Variants in KDM4C observed in about 807,000 individuals in gnomAD.
The protein encoded by KDM4C is lysine-specific demethylase 4C.
A neutral mutation model predicts 129.3 loss-of-function variants in KDM4C; 81 were observed. The ratio of observed to expected loss-of-function variants is 0.63; its 90% confidence interval spans 0.52 to 0.75. The LOEUF (loss-of-function observed/expected upper bound fraction) is 0.75. Among genes scored for constraint, KDM4C ranks in the 30% least tolerant of loss-of-function variants. KDM4C has a pLI of 0.00. For missense variants in KDM4C, 1,457 were observed against 1,304.0 expected, an observed-to-expected ratio of 1.12 and a Z score of -1.81; for synonymous variants, 573 against 456.1, an observed-to-expected ratio of 1.26 and a Z score of -3.26.
chr9:7,020,209 C>G (rs1395773217), intron 15 of KDM4C, among the ~76,000 whole-genome samples: 2 of 152,164 alleles, frequency 1.3e-5, no homozygotes, highest in Non-Finnish European at 1.5e-5. Context: ...TTTTATTGTA[C>G]CCTAATTTGG....
At chr9:7,114,548 C>T (rs1224395318) in intron 18 of KDM4C, among the ~76,000 whole-genome samples, 5 of 152,150 alleles carry the variant, frequency 3.3e-5, no homozygotes, top group Non-Finnish European at 7.4e-5. Context: ...AATGTGGTTT[C>T]AGGAGAAATA....
At chr9:6,914,098 T>C (rs1302370224) in intron 8 of KDM4C, among the ~76,000 whole-genome samples, 3 of 152,226 alleles carry the variant, frequency 2.0e-5, no homozygotes, top group African/African-American at 4.8e-5. Flanking sequence ...TTGCGCTTAT[T>C]GTCCAGGCTG....
chr9:7,032,849 A>C (rs1029219799), intron 15 of KDM4C, among the ~76,000 whole-genome samples: 6 of 152,144 alleles, frequency 3.9e-5, no homozygotes, highest in Non-Finnish European at 7.4e-5. Context: ...GCCAGCACTA[A>C]CTTCTGGCGT....
chr9:6,848,431 C>T (rs924462109), intron 4 of KDM4C, among the ~76,000 whole-genome samples: 1 of 152,048 alleles, frequency 6.6e-6, no homozygotes, highest in Non-Finnish European at 1.5e-5. Context: ...CTTTGGGAGG[C>T]CGAGGTGGGC....
intron 17 of KDM4C, among the ~76,000 whole-genome samples, chr9:7,081,688 GA>G (rs1194664132): frequency 6.6e-6 from 1 of 152,214 alleles, no homozygotes; most frequent in African/African-American, 2.4e-5. Flanking sequence ...GGATAATGGG[GA>G]AATCTGGAAG....
In KDM4C at chr9:6,844,848, C is replaced by T. The variant is rs563640646; in HGVS notation, c.436-4659C>T. On this transcript the variant is annotated intron_variant, in intron 4 of 21. Transcript: ENST00000381309. ...GATTACAGGTGTGTGCCACCACACC[C>T]GGCTAATTTTTGTATTTTTAGTAGA... is the stretch of plus-strand genomic sequence containing the variant. 7.9e-5 allele frequency among the ~76,000 whole-genome samples: 12 copies of T among 152,162 alleles called. No individual in the cohort carries two copies. In the South Asian group the frequency reaches 1.7e-3, roughly 21 times the overall value.
intron 3 of KDM4C, among the ~76,000 whole-genome samples, chr9:6,810,921 G>A (rs140459479): frequency 1.3e-5 from 2 of 152,182 alleles, no homozygotes; most frequent in East Asian, 3.9e-4. Flanking sequence ...TTTTGATTTG[G>A]ACTAGTTTCA....
chr9:6,974,196 A>T (rs1276377189), intron 8 of KDM4C, among the ~76,000 whole-genome samples: 3 of 152,254 alleles, frequency 2.0e-5, no homozygotes, highest in African/African-American at 7.2e-5. Flanking sequence ...CCTAAGGTTC[A>T]GGATGCGTTC....
chr9:6,948,142 A>G (rs1827311746), intron 8 of KDM4C: 1 of 152,238 alleles, frequency 6.6e-6, no homozygotes, highest in Non-Finnish European at 1.5e-5. Context: ...CCTATTTGAT[A>G]TTAACTGTAG....
chr9:7,048,332 G>T (rs16925222), intron 16 of KDM4C, among the ~76,000 whole-genome samples: 3 of 152,076 alleles, frequency 2.0e-5, no homozygotes, highest in Admixed American at 6.6e-5. Context: ...GATAGAGTCT[G>T]ATACTGTTTG....
chr9:6,833,072 A>G (rs1351827766), intron 4 of KDM4C, among the ~76,000 whole-genome samples: 3 of 151,862 alleles, frequency 2.0e-5, no homozygotes, highest in Non-Finnish European at 4.4e-5. Context: ...TAAATTTTTC[A>G]TATGTAAAGG....
chr9:7,027,801 C>T (rs1826044031), intron 15 of KDM4C, among the ~76,000 whole-genome samples: 1 of 152,202 alleles, frequency 6.6e-6, no homozygotes, highest in South Asian at 2.1e-4. Flanking sequence ...GCACTCAAAC[C>T]AGAAGACACA....
At chr9:6,787,832 A>G (rs1287036531) in intron 1 of KDM4C, among the ~76,000 whole-genome samples, 1 of 152,230 alleles carries the variant, frequency 6.6e-6, no homozygotes, top group African/African-American at 2.4e-5. Context: ...GACAGCCATT[A>G]TCTCCTTAAA....
At chr9:7,102,309 C>CTT (rs34614459) in intron 17 of KDM4C, among the ~76,000 whole-genome samples, 22,320 of 89,614 alleles carry the variant, frequency 0.25, 1,764 homozygotes, top group Middle Eastern at 0.28. Flanking sequence ...ATGGTTTTCC[C>CTT]TTTTTTTTTT....
At chr9:6,934,530 C>T (rs1824377242) in intron 8 of KDM4C, among the ~76,000 whole-genome samples, 1 of 141,572 alleles carries the variant, frequency 7.1e-6, no homozygotes, top group Non-Finnish European at 1.6e-5. Context: ...CAACTTATAT[C>T]CTCTCTCTTT....
chr9:7,097,746 C>G (rs1250348684), intron 17 of KDM4C, among the ~76,000 whole-genome samples: 1 of 152,160 alleles, frequency 6.6e-6, no homozygotes, highest in Non-Finnish European at 1.5e-5. Flanking sequence ...GGCTGTAAAG[C>G]TTTTGTTATA....
intron 5 of KDM4C, among the ~76,000 whole-genome samples, chr9:6,879,268 A>G (rs982146156): frequency 2.0e-5 from 3 of 152,196 alleles, no homozygotes; most frequent in Admixed American, 6.5e-5. Context: ...TGCCTTTACA[A>G]TTTAGTATTT....
At chr9:6,843,884 T>C (rs1837407967) in intron 4 of KDM4C, among the ~76,000 whole-genome samples, 1 of 152,202 alleles carries the variant, frequency 6.6e-6, no homozygotes, top group South Asian at 2.1e-4. Flanking sequence ...GACATCTCAC[T>C]CTGTTGCCTA....
At chr9:7,068,686 C>CTTTTTTTTTTTTTTTTTTTTTTTT (rs542039227) in intron 17 of KDM4C, among the ~76,000 whole-genome samples, 2 of 101,766 alleles carry the variant, frequency 2.0e-5, no homozygotes, top group African/African-American at 7.7e-5. Context: ...GATGCCCTTT[C>CTTTTTTTTTTTTTTTTTTTTTTTT]TTTTTTTTTT....
Sources: allele counts gnomAD v4.1 joint callset (sites outside exome capture counted in the v4.1 genomes callset), GRCh38; gene constraint gnomAD v4.1.1; transcripts MANE v1.5; gene names NCBI Gene and HGNC (gene_info 2026-07-23, HGNC 2026-07-21).